CAMK4: variants seen among roughly 807,000 people sequenced by gnomAD.
The protein encoded by CAMK4 is calcium/calmodulin dependent protein kinase IV, also known as calcium/calmodulin-dependent protein kinase type IV.
CAMK4 carries 22 observed loss-of-function variants against 44.9 expected under a neutral mutation model. That is an observed-to-expected ratio of 0.49 (90% CI 0.35 to 0.70). The LOEUF (loss-of-function observed/expected upper bound fraction) is 0.70. Ranked by LOEUF, CAMK4 falls within the 30% of genes least tolerant of loss-of-function variation. CAMK4 has a pLI of 0.01. For synonymous variants in CAMK4, 218 were observed against 215.4 expected (o/e 1.01, Z -0.11); for missense variants, 498 against 586.8 (o/e 0.85, Z 1.56).
At chr5:111,252,384 G>A (rs550992912) in intron 1 of CAMK4, among the ~76,000 whole-genome samples, 2 of 152,272 alleles carry the variant, frequency 1.3e-5, no homozygotes, top group East Asian at 3.9e-4. Context: ...GTATGGAGAA[G>A]TGTGGAGGAA....
At chr5:111,311,424 A>G (rs1748198623) in intron 1 of CAMK4, among the ~76,000 whole-genome samples, 2 of 152,174 alleles carry the variant, frequency 1.3e-5, no homozygotes, top group East Asian at 1.9e-4. Flanking sequence ...TGGTCTTTGT[A>G]TGAAAAACTC....
chr5:111,491,716 A>G lies in CAMK4; in HGVS notation c.*7250A>G, dbSNP rs1031938105. 1 of 152,212 alleles carries G rather than the reference A, an allele frequency of 6.6e-6. No individual in the cohort carries two copies. Among genetic ancestry groups the G allele is most frequent in the African/African-American group, 2.4e-5 (1 of 41,466 alleles). The allele number at this position is 152,212 out of a possible 1,614,324, so 9.4% of individuals were successfully genotyped here. A position where few individuals can be genotyped will look rare whatever the true frequency, so the allele number is the denominator to read the frequency against. On this transcript the variant is annotated 3_prime_UTR_variant, in exon 11 of 11. Transcript: ENST00000282356. ...GATCCTTACATTTAAAATTATGTAA[A>G]TGACATCTTTCACTGGCATTTGCTC...
At chr5:111,311,230 A>C (rs1027684898) in intron 1 of CAMK4, among the ~76,000 whole-genome samples, 1 of 152,172 alleles carries the variant, frequency 6.6e-6, no homozygotes. Context: ...AAAAGAAAAA[A>C]AATTATAGTT....
intron 1 of CAMK4, among the ~76,000 whole-genome samples, chr5:111,303,889 C>T (rs1435379371): frequency 4.5e-5 from 6 of 132,768 alleles, no homozygotes; most frequent in African/African-American, 1.7e-4. Context: ...AGACTAACAG[C>T]GGATCTCTCG....
At chr5:111,402,268 G>A (rs928473352) in intron 5 of CAMK4, among the ~76,000 whole-genome samples, 4 of 152,234 alleles carry the variant, frequency 2.6e-5, no homozygotes, top group African/African-American at 9.6e-5. Context: ...TAAAGTGGAA[G>A]AATGGGTTTT....
chr5:111,270,995 A>C (rs899038073), intron 1 of CAMK4, among the ~76,000 whole-genome samples: 1 of 152,130 alleles, frequency 6.6e-6, no homozygotes, highest in African/African-American at 2.4e-5. Context: ...AGGAAGGGAG[A>C]GTGTGAAGGA....
intron 10 of CAMK4, 36 bp from the exon 11 acceptor site, chr5:111,483,990 A>G (rs367982949): frequency 1.0e-4 from 149 of 1,476,192 alleles, no homozygotes; most frequent in Non-Finnish European, 1.2e-4. Context: ...GTGTTAAAGC[A>G]GAGGTAACAC....
At chr5:111,483,970 C>G in intron 10 of CAMK4, 56 bp from the exon 11 acceptor site, 2 of 1,333,034 alleles carry the variant, frequency 1.5e-6, no homozygotes, top group South Asian at 1.6e-5. Flanking sequence ...GGGTTGAGCT[C>G]TGATGTGGGG....
chr5:111,226,271 G>GA (rs1411010081), intron 1 of CAMK4, among the ~76,000 whole-genome samples: 2 of 152,096 alleles, frequency 1.3e-5, no homozygotes, highest in Non-Finnish European at 2.9e-5. Context: ...TGAAAAATGG[G>GA]AAAAAAATAA....
intron 2 of CAMK4, among the ~76,000 whole-genome samples, chr5:111,371,472 G>T (rs1751003030): frequency 6.6e-6 from 1 of 152,076 alleles, no homozygotes; most frequent in Non-Finnish European, 1.5e-5. Context: ...TAGATGAGTT[G>T]CATCTCCCAA....
intron 5 of CAMK4, among the ~76,000 whole-genome samples, chr5:111,425,103 C>T (rs1405003799): frequency 1.4e-5 from 2 of 147,058 alleles, no homozygotes; most frequent in Non-Finnish European, 3.0e-5. Flanking sequence ...GTGGAGGTTT[C>T]GGTGAGCTGA....
rs1227652613 is a variant in CAMK4, at chr5:111,493,476, G to A, written c.*9010G>A. ...AGTGGAGGACCGAATCAAGGTTATTGCTGACCTCATTTTTTCAACCTTTTC... is the reference window on the plus strand; with the variant it reads ...AGTGGAGGACCGAATCAAGGTTATTACTGACCTCATTTTTTCAACCTTTTC... On this transcript the variant is annotated 3_prime_UTR_variant, in exon 11 of 11. Transcript: ENST00000282356. This position sits in a 1 kb window ranked among gnomAD's most constrained non-coding sequence, Gnocchi z 4.1. 1 of 152,156 alleles carries A rather than the reference G, an allele frequency of 6.6e-6. No homozygotes were observed. The highest frequency in any genetic ancestry group is 1.5e-5 in the Non-Finnish European group (1 of 68,038). 9.4% of individuals were successfully genotyped at this position (152,156 alleles called of 1,614,324 possible).
chr5:111,368,867 G>T, intron 2 of CAMK4, among the ~76,000 whole-genome samples: 2 of 151,078 alleles, frequency 1.3e-5, no homozygotes, highest in African/African-American at 2.4e-5. Context: ...ATTTATCCTG[G>T]GCCCCAGCAT....
chr5:111,385,409 C>G (rs1191607301), intron 4 of CAMK4, among the ~76,000 whole-genome samples: 3 of 151,934 alleles, frequency 2.0e-5, no homozygotes, highest in Admixed American at 6.6e-5. Context: ...CCTATTGTGG[C>G]AAAATGATGT....
intron 5 of CAMK4, among the ~76,000 whole-genome samples, chr5:111,420,556 G>A (rs1229849144): frequency 2.0e-5 from 3 of 152,082 alleles, no homozygotes; most frequent in Non-Finnish European, 4.4e-5. Context: ...TTATTAGGTG[G>A]GAATTTCCTC....
At chr5:111,402,511 C>G (rs1025837339) in intron 5 of CAMK4, among the ~76,000 whole-genome samples, 1 of 152,170 alleles carries the variant, frequency 6.6e-6, no homozygotes, top group Non-Finnish European at 1.5e-5. Flanking sequence ...ATTTAACAGG[C>G]ATTATATTAT....
At chr5:111,388,927 A>G (rs897351622) in intron 4 of CAMK4, among the ~76,000 whole-genome samples, 1 of 152,168 alleles carries the variant, frequency 6.6e-6, no homozygotes, top group Non-Finnish European at 1.5e-5. Context: ...ACATGAACAC[A>G]GCTCCCAAGA....
At chr5:111,356,474 G>A (rs1235152020) in intron 2 of CAMK4, among the ~76,000 whole-genome samples, 1 of 152,246 alleles carries the variant, frequency 6.6e-6, no homozygotes, top group African/African-American at 2.4e-5. Context: ...TTTGATGGTA[G>A]TTTCTTTTGC....
Position 111,482,747 on chromosome 5 carries a change from A to C in CAMK4, c.829-38A>C. On this transcript the variant is annotated intron_variant, in intron 9 of 10. Transcript: ENST00000282356. The surrounding 1 kb of genome is among the most constrained non-coding windows in gnomAD (Gnocchi z 4.9). ...GCTGAGGGCAAGCCCAGGTCATCCT[A>C]AAAACCTCGCTAAGTTTATGGTTCT... The C allele has an allele frequency of 1.3e-6, 2 of 1,569,864 alleles. No homozygotes were observed. Among genetic ancestry groups the C allele is most frequent in the Non-Finnish European group, 1.7e-6 (2 of 1,156,524 alleles).
Sources: gnomAD v4.1 joint callset for allele counts (sites outside exome capture counted in the v4.1 genomes callset) on GRCh38, gnomAD v4.1.1 for gene constraint, Gnocchi (gnomAD v3.1) non-coding constraint, MANE v1.5 for transcripts, NCBI Gene and HGNC (gene_info 2026-07-23, HGNC 2026-07-21) for gene names.